CDH23: variants seen among roughly 807,000 people sequenced by gnomAD.
CDH23 encodes the protein cadherin related 23.
In CDH23, 189 loss-of-function variants were observed where a neutral mutation model predicts 317.1. That is an observed-to-expected ratio of 0.60 (90% CI 0.53 to 0.67). The LOEUF (loss-of-function observed/expected upper bound fraction) is 0.67. Among genes scored for constraint, CDH23 ranks in the 30% least tolerant of loss-of-function variants. CDH23 has a pLI of 0.00. For synonymous variants in CDH23, 1,839 were observed against 1,876.8 expected, an observed-to-expected ratio of 0.98 and a Z score of 0.52; for missense variants, 4,401 against 4,592.4, an observed-to-expected ratio of 0.96 and a Z score of 1.20.
chr10:71,759,854 C>CACACACATAT (rs1554868480), intron 38 of CDH23, among the ~76,000 whole-genome samples: 1 of 109,198 alleles, frequency 9.2e-6, no homozygotes, highest in Non-Finnish European at 2.1e-5. Context: ...CACATATACA[C>CACACACATAT]ACACACACAC....
Position 71,807,573 on chromosome 10 carries a change from G to A in CDH23, c.8366G>A (p.Arg2789Gln), listed in dbSNP as rs1473455187. 28 of 1,613,958 alleles carry A rather than the reference G, an allele frequency of 1.7e-5. No homozygotes were observed. Among genetic ancestry groups the A allele is most frequent in the Non-Finnish European group, 2.3e-5 (27 of 1,179,884 alleles). Reference sequence around the variant, plus strand: ...CCCGATGGGTGTCTGCTGGTGCTGCGGGACCTGGACCGGGAGCGAGAAGCC... The same window carrying A: ...CCCGATGGGTGTCTGCTGGTGCTGCAGGACCTGGACCGGGAGCGAGAAGCC... ...LQPDGCLLVL[R>Q]DLDREREAIF... Residue 2789 changes from arginine (R) to glutamine (Q), a missense_variant, in exon 59 of 70, where the codon CGG (arginine) becomes CAG (glutamine). By Grantham distance (43) the Arg-to-Gln change is conservative. Transcript: ENST00000224721.
chr10:71,537,414 C>T (rs1589179627), intron 6 of CDH23, among the ~76,000 whole-genome samples: 1 of 152,216 alleles, frequency 6.6e-6, no homozygotes, highest in East Asian at 1.9e-4. Flanking sequence ...ATGTCACTAG[C>T]ATTCCTGCCC....
Position 71,807,929 on chromosome 10 carries a change from T to G in CDH23, c.8644T>G (p.Phe2882Val). The G allele has an allele frequency of 6.2e-7, 1 of 1,602,600 alleles. No individual in the cohort carries two copies. The highest frequency in any genetic ancestry group is 1.1e-5 in the South Asian group (1 of 88,904). The change falls in exon 60 of 70, where the codon TTC becomes GTC. Residue 2882 changes from phenylalanine to valine, a missense_variant. Physicochemically the swap from Phe to Val is conservative, Grantham distance 50. Coordinates refer to ENST00000224721, the MANE Select transcript of CDH23 (RefSeq NM_022124.6). ...AGACATTGGCAACAACAGCCTTGTC[T>G]TCTACAGCATTCTGGCCATCCACTA... is the stretch of plus-strand genomic sequence containing the variant. Reference protein sequence around the residue: ...DADIGNNSLVFYSILAIHYFR... With the variant: ...DADIGNNSLVVYSILAIHYFR...
At chr10:71,631,624 A>G (rs6480537) in intron 11 of CDH23, among the ~76,000 whole-genome samples, 140,556 of 152,336 alleles carry the variant, frequency 0.92, 64,952 homozygotes, top group East Asian at 1. Flanking sequence ...AAACCTGCTA[A>G]CATTTACAGA....
At chr10:71,496,724 AT>A (rs1223065804) in intron 3 of CDH23, among the ~76,000 whole-genome samples, 1 of 152,218 alleles carries the variant, frequency 6.6e-6, no homozygotes, top group Non-Finnish European at 1.5e-5. Context: ...AAGACCCTGG[AT>A]ATCAACTCCA....
intron 38 of CDH23, among the ~76,000 whole-genome samples, chr10:71,758,108 T>C (rs1288149266): frequency 2.0e-5 from 3 of 151,950 alleles, no homozygotes; most frequent in Admixed American, 2.0e-4. Context: ...CCAAGGCGGG[T>C]AGATCACTTG....
At chr10:71,727,233 G>A (rs1436261104) in intron 30 of CDH23, among the ~76,000 whole-genome samples, 5 of 152,220 alleles carry the variant, frequency 3.3e-5, no homozygotes, top group Non-Finnish European at 5.9e-5. Context: ...GTCACACAGC[G>A]GTAAGGGTGG....
At chr10:71,563,046 A>G (rs1439365834) in intron 6 of CDH23, among the ~76,000 whole-genome samples, 1 of 151,932 alleles carries the variant, frequency 6.6e-6, no homozygotes, top group African/African-American at 2.4e-5. Flanking sequence ...TGTGGTCATG[A>G]GGAGCAGCTG....
chr10:71,805,372 T>C (rs1277900864), intron 55 of CDH23, among the ~76,000 whole-genome samples: 1 of 152,176 alleles, frequency 6.6e-6, no homozygotes, highest in Non-Finnish European at 1.5e-5. Flanking sequence ...ATGGTGTTGT[T>C]TGGGGACACC....
chr10:71,759,644 T>C (rs1840244054), intron 38 of CDH23, among the ~76,000 whole-genome samples: 1 of 151,626 alleles, frequency 6.6e-6, no homozygotes, highest in Non-Finnish European at 1.5e-5. Flanking sequence ...CCAGCTCCAC[T>C]AAAAATACAA....
chr10:71,687,196 C>T (rs945040200), intron 18 of CDH23, among the ~76,000 whole-genome samples: 2 of 152,200 alleles, frequency 1.3e-5, no homozygotes, highest in African/African-American at 4.8e-5. Flanking sequence ...CCATAGCATA[C>T]TTCAGTATCT....
At chr10:71,484,316 C>G (rs777430703) in intron 3 of CDH23, among the ~76,000 whole-genome samples, 7 of 152,208 alleles carry the variant, frequency 4.6e-5, no homozygotes, top group Non-Finnish European at 7.3e-5. Context: ...TTGCAAGACA[C>G]CTGCCAAGTA....
intron 36 of CDH23, 134 bp downstream of exon 36, chr10:71,739,906 G>T (rs1471058223): frequency 9.4e-7 from 1 of 1,060,392 alleles, no homozygotes; most frequent in African/African-American, 1.6e-5. Flanking sequence ...CAAGTAACAT[G>T]GGGCCAGCTG....
Position 71,689,046 on chromosome 10 carries a change from GCCAGGGA to G in CDH23, c.2059+1328_2059+1334del, listed in dbSNP as rs1564733907. Among the ~76,000 whole-genome samples, 10 of 109,642 alleles carry G rather than the reference GCCAGGGA, an allele frequency of 9.1e-5. No individual in the cohort carries two copies. In the East Asian group the frequency reaches 1.1e-3, roughly 12 times the overall value. The allele number at this position is 109,642 out of a possible 152,430, so 71.9% of individuals were successfully genotyped here. ...GGGTGGTGGAGTCAGGGGTGGTGGA[GCCAGGGA>G]TGGTGGAGCCAGGGGTGGTGGAGCC... On this transcript the variant is annotated intron_variant, in intron 19 of 69. Coordinates refer to ENST00000224721, the MANE Select transcript of CDH23 (RefSeq NM_022124.6).
rs10740390 is a variant in CDH23 at position 71,778,352 on chromosome 10, C to G, written c.5187+44C>G. The G allele has an allele frequency of 0.39, 623,081 of 1,608,898 alleles. 122,477 individuals are homozygous for G. Among genetic ancestry groups the G allele is most frequent in the East Asian group, 0.52 (23,236 of 44,746 alleles). ...GCCCCAACTTGGGCTTGGAGGTTGG[C>G]GAAGGATGGGACCCAGAAAGCTCCG... On this transcript the variant is annotated intron_variant, in intron 40 of 69. Transcript: ENST00000224721.
chr10:71,478,166 A>AT (rs1289209491), intron 3 of CDH23, among the ~76,000 whole-genome samples: 2 of 152,172 alleles, frequency 1.3e-5, no homozygotes, highest in African/African-American at 2.4e-5. Context: ...TTATCCTTCT[A>AT]TTTTAAAGTC....
intron 9 of CDH23, among the ~76,000 whole-genome samples, chr10:71,612,244 G>GTGTT (rs1860945007): frequency 1.3e-5 from 2 of 151,854 alleles, no homozygotes; most frequent in Middle Eastern, 3.4e-3. Context: ...GTGTGTGTGT[G>GTGTT]TGTGTGTATG....
At chr10:71,499,165 C>T (rs2095988) in intron 3 of CDH23, among the ~76,000 whole-genome samples, 5,522 of 152,180 alleles carry the variant, frequency 0.036, 160 homozygotes, top group Non-Finnish European at 0.048. Flanking sequence ...AGACAAATGT[C>T]GCATGTTCTC....
In CDH23 at chr10:71,676,631, A is replaced by G. The variant is rs538136626; in HGVS notation, c.1515-825A>G. Among the ~76,000 whole-genome samples the G allele has an allele frequency of 8.5e-5, 13 of 152,288 alleles. No homozygotes were observed. The South Asian group carries it at 2.7e-3, about 32-fold the overall frequency. ...GACACAGTGAAACCCTATCTCAAAA[A>G]AGAAGAGACAGGGAGATTGTTAGGG... On this transcript the variant is annotated intron_variant, in intron 15 of 69. Transcript: ENST00000224721.
Sources: gnomAD v4.1 joint callset for allele counts (sites outside exome capture counted in the v4.1 genomes callset) on GRCh38, gnomAD v4.1.1 for gene constraint, MANE v1.5 for transcripts, NCBI Gene and HGNC (gene_info 2026-07-23, HGNC 2026-07-21) for gene names.